Variants in PDE4D observed in about 807,000 individuals in gnomAD.
The protein encoded by PDE4D is phosphodiesterase 4D.
In PDE4D, 24 loss-of-function variants were observed where a neutral mutation model predicts 87.4. The observed-to-expected ratio is 0.27, with a 90% confidence interval of 0.20 to 0.39. The LOEUF is 0.39. PDE4D is among the 10% of genes least tolerant of loss of function. PDE4D has a pLI of 1.00. For missense variants in PDE4D, 714 were observed against 1,041.0 expected (o/e 0.69, Z 4.32); for synonymous variants, 384 against 383.2 (o/e 1.00, Z -0.02).
chr5:60,043,211 A>G (rs944745036), intron 2 of PDE4D, among the ~76,000 whole-genome samples: 3 of 151,960 alleles, frequency 2.0e-5, no homozygotes, highest in Non-Finnish European at 2.9e-5. Flanking sequence ...TTGAAGATCA[A>G]TTTAATGAAA....
Position 60,387,425 on chromosome 5 carries a change from G to A in PDE4D, c.-90+100517C>T, listed in dbSNP as rs1036983266. On this transcript the variant is annotated intron_variant, in intron 1 of 16. Coordinates refer to the PDE4D transcript ENST00000502484. ...CCAACTCCCTGTGCTCACCAGCAGT[G>A]TGTTCTGTTTTGGTGTAAACTGATA... Among the ~76,000 whole-genome samples, 16 of 152,114 alleles carry A rather than the reference G, an allele frequency of 1.1e-4. No homozygotes were observed. In the Middle Eastern group the frequency reaches 0.014, roughly 129 times the overall value.
intron 2 of PDE4D, among the ~76,000 whole-genome samples, chr5:60,063,280 TGA>T (rs1266378619): frequency 6.6e-6 from 1 of 152,114 alleles, no homozygotes; most frequent in Non-Finnish European, 1.5e-5. Context: ...AGGTATAAAG[TGA>T]TTCTTTCTTA....
intron 1 of PDE4D, among the ~76,000 whole-genome samples, chr5:59,485,881 G>C (rs528713382): frequency 6.6e-6 from 1 of 152,140 alleles, no homozygotes; most frequent in Non-Finnish European, 1.5e-5. Context: ...TATGCCAGCT[G>C]CTTGATTTTT....
Position 60,103,615 on chromosome 5 carries a change from G to C in PDE4D, c.42+81942C>G, listed in dbSNP as rs1047831526. Among the ~76,000 whole-genome samples the C allele has an allele frequency of 2.6e-5, 4 of 152,216 alleles. No homozygotes were observed. The East Asian group carries it at 7.7e-4, about 29-fold the overall frequency. ...CTCCAGAACTTCATTTTGTAAGAAG[G>C]AAGAAGCAGCTCCATGGAAAAAAAT... On this transcript the variant is annotated intron_variant, in intron 2 of 16. Transcript: ENST00000502484.
chr5:59,326,622 T>A (rs1775711966), intron 1 of PDE4D, among the ~76,000 whole-genome samples: 1 of 152,174 alleles, frequency 6.6e-6, no homozygotes, highest in Non-Finnish European at 1.5e-5. Context: ...GGGTGTGCAT[T>A]ATATTTCCAC....
chr5:59,101,389 T>C (rs973242210), intron 5 of PDE4D, among the ~76,000 whole-genome samples: 13 of 152,070 alleles, frequency 8.5e-5, no homozygotes, highest in Admixed American at 5.2e-4. Flanking sequence ...GGGTAGCTTT[T>C]AATAAGAAGG....
intron 1 of PDE4D, among the ~76,000 whole-genome samples, chr5:59,495,773 G>C (rs766703835): frequency 6.6e-6 from 1 of 152,162 alleles, no homozygotes; most frequent in East Asian, 1.9e-4. Flanking sequence ...TGTGCAACTG[G>C]AGAAGTGGCT....
At chr5:59,494,932 CT>C (rs1336759412) in intron 1 of PDE4D, among the ~76,000 whole-genome samples, 30 of 152,228 alleles carry the variant, frequency 2.0e-4, no homozygotes, top group African/African-American at 7.0e-4. Flanking sequence ...AAAGAAAAAG[CT>C]AGTTTTTAAC....
chr5:59,390,206 A>G (rs139398035), intron 1 of PDE4D, among the ~76,000 whole-genome samples: 333 of 152,278 alleles, frequency 2.2e-3, no homozygotes, highest in African/African-American at 7.5e-3. Context: ...TTTGCAACTT[A>G]TAATAGTTAT....
chr5:60,190,831 T>C (rs113430827), intron 1 of PDE4D, among the ~76,000 whole-genome samples: 2,647 of 152,324 alleles, frequency 0.017, 75 homozygotes, highest in African/African-American at 0.053. Context: ...GATGGCTTTA[T>C]ATAATCAGGT....
At chr5:59,236,985 C>G (rs536741366) in intron 1 of PDE4D, among the ~76,000 whole-genome samples, 1 of 152,196 alleles carries the variant, frequency 6.6e-6, no homozygotes, top group South Asian at 2.1e-4. Context: ...AAATCTTGTC[C>G]TAATTCCCTT....
At chr5:60,160,376 T>C (rs917687978) in intron 2 of PDE4D, among the ~76,000 whole-genome samples, 33 of 152,272 alleles carry the variant, frequency 2.2e-4, no homozygotes, top group African/African-American at 7.9e-4. Context: ...AATTTAGTCT[T>C]TTCCCTATTT....
intron 1 of PDE4D, among the ~76,000 whole-genome samples, chr5:60,323,183 G>A (rs570808379): frequency 2.6e-5 from 4 of 152,022 alleles, no homozygotes; most frequent in Non-Finnish European, 2.9e-5. Context: ...TGATACACAC[G>A]GGTGTATCTC....
At chr5:59,600,299 T>A (rs1246082199) in intron 1 of PDE4D, among the ~76,000 whole-genome samples, 1 of 152,180 alleles carries the variant, frequency 6.6e-6, no homozygotes, top group Non-Finnish European at 1.5e-5. Flanking sequence ...AAAATATATC[T>A]TCACAAGTTC....
At chr5:59,119,994 A>G (rs1774221584) in intron 5 of PDE4D, among the ~76,000 whole-genome samples, 1 of 151,968 alleles carries the variant, frequency 6.6e-6, no homozygotes, top group African/African-American at 2.4e-5. Context: ...GCAGACATGC[A>G]CTACTCTGCT....
intron 1 of PDE4D, among the ~76,000 whole-genome samples, chr5:59,443,130 C>A (rs149977533): frequency 3.3e-5 from 5 of 152,222 alleles, no homozygotes; most frequent in African/African-American, 1.2e-4. Flanking sequence ...TGAGATAGTA[C>A]CTACTGTGTG....
chr5:59,894,063 T>G (rs1228511088), upstream of PDE4D, among the ~76,000 whole-genome samples: 1 of 152,104 alleles, frequency 6.6e-6, no homozygotes, highest in South Asian at 2.1e-4. Flanking sequence ...GGAACCCTGA[T>G]CCCGGAGCTG....
intron 1 of PDE4D, among the ~76,000 whole-genome samples, chr5:59,825,858 G>A (rs1770261196): frequency 6.6e-6 from 1 of 152,126 alleles, no homozygotes; most frequent in Admixed American, 6.5e-5. Context: ...ACTGCTCATG[G>A]AGGACACTTA....
intron 1 of PDE4D, among the ~76,000 whole-genome samples, chr5:60,386,323 T>C (rs1762190409): frequency 6.6e-6 from 1 of 152,194 alleles, no homozygotes; most frequent in Admixed American, 6.5e-5. Flanking sequence ...AGTGATTTCC[T>C]TAAAGGGAAT....
Sources: allele counts gnomAD v4.1 joint callset (sites outside exome capture counted in the v4.1 genomes callset), GRCh38; gene constraint gnomAD v4.1.1; transcripts MANE v1.5; gene names NCBI Gene and HGNC (gene_info 2026-07-23, HGNC 2026-07-21).